MAGI3: variants seen among roughly 807,000 people sequenced by gnomAD.
MAGI3 encodes membrane associated guanylate kinase, WW and PDZ domain containing 3.
In MAGI3, 43 loss-of-function variants were observed where a neutral mutation model predicts 121.8. The observed-to-expected ratio is 0.35, with a 90% CI of 0.28 to 0.46. The LOEUF (loss-of-function observed/expected upper bound fraction) is 0.46, where lower values mean the gene tolerates loss of function less well. Ranked by LOEUF, MAGI3 falls within the 20% of genes least tolerant of loss-of-function variation. MAGI3 has a pLI of 1.00. For synonymous variants in MAGI3, 553 were observed against 639.3 expected (o/e 0.86, Z 2.04); for missense variants, 1,547 against 1,797.3 (o/e 0.86, Z 2.52).
intron 6 of MAGI3, among the ~76,000 whole-genome samples, chr1:113,596,391 G>A (rs1649012533): frequency 6.6e-6 from 1 of 152,148 alleles, no homozygotes; most frequent in Non-Finnish European, 1.5e-5. Flanking sequence ...AAAGCTTTTG[G>A]AAGAAAATAT....
chr1:113,447,012 G>A (rs775444765), intron 1 of MAGI3, among the ~76,000 whole-genome samples: 15 of 152,136 alleles, frequency 9.9e-5, no homozygotes, highest in East Asian at 1.9e-4. Flanking sequence ...GATAGAATGC[G>A]GAATTAGTAT....
rs188173617 is a variant in MAGI3, at chr1:113,511,832, C to A, written c.317-37683C>A. Among the ~76,000 whole-genome samples the A allele has an allele frequency of 1.5e-3, 236 of 152,260 alleles. 1 individual carries two copies. Among genetic ancestry groups the A allele is most frequent in the African/African-American group, 5.5e-3 (227 of 41,548 alleles). ...TGAATTTACTGAAGCTGATATTGGG[C>A]TATAACTTAAATGGTTTTGACTCAG... On this transcript the variant is annotated intron_variant, in intron 1 of 20. Transcript: ENST00000307546.
chr1:113,543,762 G>A (rs1006993376), intron 1 of MAGI3, among the ~76,000 whole-genome samples: 50 of 151,906 alleles, frequency 3.3e-4, no homozygotes, highest in Non-Finnish European at 5.3e-4. Flanking sequence ...CAGCTACTTG[G>A]GAGGCTGAGG....
intron 1 of MAGI3, among the ~76,000 whole-genome samples, chr1:113,413,016 A>C (rs1275723766): frequency 6.6e-6 from 1 of 152,200 alleles, no homozygotes; most frequent in Non-Finnish European, 1.5e-5. Context: ...TTTAGGCCTA[A>C]CATTTAAGTC....
At chr1:113,525,552 ATAGT>A (rs1419993101) in intron 1 of MAGI3, among the ~76,000 whole-genome samples, 3 of 151,920 alleles carry the variant, frequency 2.0e-5, no homozygotes, top group Non-Finnish European at 4.4e-5. Context: ...CCTTCATTTA[ATAGT>A]TAAATTATTT....
At chr1:113,570,828 C>G (rs1292670405) in intron 2 of MAGI3, among the ~76,000 whole-genome samples, 1 of 152,008 alleles carries the variant, frequency 6.6e-6, no homozygotes, top group Non-Finnish European at 1.5e-5. Flanking sequence ...AAAATTTTCT[C>G]CCATTCTATA....
intron 1 of MAGI3, among the ~76,000 whole-genome samples, chr1:113,481,323 T>C (rs879401763): frequency 6.6e-6 from 1 of 152,230 alleles, no homozygotes; most frequent in Non-Finnish European, 1.5e-5. Flanking sequence ...TAGTTCACTG[T>C]CTAAATCTAT....
At chr1:113,491,259 C>G (rs1656653052) in intron 1 of MAGI3, among the ~76,000 whole-genome samples, 1 of 152,128 alleles carries the variant, frequency 6.6e-6, no homozygotes, top group Non-Finnish European at 1.5e-5. Flanking sequence ...ATTGGATAAC[C>G]TGCTCCTGAA....
At chr1:113,682,302 G>C (rs1648273187) in intron 20 of MAGI3, 3 of 1,583,490 alleles carry the variant, frequency 1.9e-6, no homozygotes, top group Non-Finnish European at 2.6e-6. Flanking sequence ...AAAAAGACTT[G>C]GTAAATTTGC....
At chr1:113,655,908 C>T (rs1227693161) in intron 15 of MAGI3, among the ~76,000 whole-genome samples, 4 of 152,100 alleles carry the variant, frequency 2.6e-5, no homozygotes, top group Non-Finnish European at 5.9e-5. Flanking sequence ...CCATTGTTAT[C>T]ATCATCATTA....
chr1:113,636,589 G>C (rs1475609764), intron 9 of MAGI3, among the ~76,000 whole-genome samples: 2 of 152,074 alleles, frequency 1.3e-5, no homozygotes, highest in African/African-American at 4.8e-5. Flanking sequence ...TGTGGTCTGA[G>C]AGACAGTTTG....
At chr1:113,445,736 G>A (rs1000809968) in intron 1 of MAGI3, among the ~76,000 whole-genome samples, 11 of 152,220 alleles carry the variant, frequency 7.2e-5, no homozygotes, top group African/African-American at 1.7e-4. Context: ...AAAGGCTGTC[G>A]GCTGGCATAT....
chr1:113,595,135 A>G (rs981230429), intron 6 of MAGI3, among the ~76,000 whole-genome samples: 1 of 152,146 alleles, frequency 6.6e-6, no homozygotes, highest in Non-Finnish European at 1.5e-5. Flanking sequence ...TATAGGTTAT[A>G]TTTAACAGTG....
intron 14 of MAGI3, among the ~76,000 whole-genome samples, chr1:113,651,651 C>T (rs530229533): frequency 1.3e-5 from 2 of 152,070 alleles, no homozygotes; most frequent in South Asian, 2.1e-4. Flanking sequence ...CACCACCACA[C>T]GGCTAATTTT....
Position 113,584,940 on chromosome 1 carries a change from C to T in MAGI3, c.554-447C>T, listed in dbSNP as rs146116748. ...AGATGAGTGCTTTGAGCGCTTTGGCCTCCTTTTGGCCAATGGTAGATATTT... is the reference window on the plus strand; with the variant it reads ...AGATGAGTGCTTTGAGCGCTTTGGCTTCCTTTTGGCCAATGGTAGATATTT... On this transcript the variant is annotated intron_variant, in intron 3 of 20. Coordinates refer to ENST00000307546, the MANE Select transcript of MAGI3 (RefSeq NM_001142782.2). Among the ~76,000 whole-genome samples the T allele has an allele frequency of 5.1e-3, 744 of 145,100 alleles. 4 individuals carry two copies. Among genetic ancestry groups the T allele is most frequent in the African/African-American group, 0.018 (717 of 39,122 alleles).
chr1:113,578,144 T>C (rs1647772965), intron 2 of MAGI3, among the ~76,000 whole-genome samples: 1 of 152,194 alleles, frequency 6.6e-6, no homozygotes, highest in African/African-American at 2.4e-5. Context: ...TTTTGTTGGC[T>C]TGGGCTCTCT....
chr1:113,427,904 T>C (rs1244312628), intron 1 of MAGI3, among the ~76,000 whole-genome samples: 1 of 152,246 alleles, frequency 6.6e-6, no homozygotes. Context: ...TTTTGTTTCT[T>C]GAATGGGTAA....
intron 6 of MAGI3, among the ~76,000 whole-genome samples, chr1:113,600,252 T>A (rs2101750503): frequency 6.6e-6 from 1 of 152,228 alleles, no homozygotes; most frequent in African/African-American, 2.4e-5. Context: ...AAATAAACGG[T>A]ATTCAATTAG....
At chr1:113,668,041 G>C (rs1055451891) in intron 16 of MAGI3, among the ~76,000 whole-genome samples, 1 of 152,192 alleles carries the variant, frequency 6.6e-6, no homozygotes, top group Non-Finnish European at 1.5e-5. Context: ...GGAATTTCCA[G>C]TGGGTACAAG....
Sources: gnomAD v4.1 joint callset for allele counts (sites outside exome capture counted in the v4.1 genomes callset) on GRCh38, gnomAD v4.1.1 for gene constraint, MANE v1.5 for transcripts, NCBI Gene and HGNC (gene_info 2026-07-23, HGNC 2026-07-21) for gene names.